The following TRAF3IP1 variants were observed in gnomAD, a reference collection of about 807,000 sequenced individuals.
TRAF3IP1 encodes intraflagellar transport 54.
A neutral mutation model predicts 89.9 loss-of-function variants in TRAF3IP1; 53 were observed. The observed-to-expected ratio is 0.59, with a 90% CI of 0.47 to 0.74. TRAF3IP1 has a LOEUF of 0.74. TRAF3IP1 is among the 30% of genes least tolerant of loss of function. TRAF3IP1 has a pLI of 0.00. For missense variants in TRAF3IP1, 806 were observed against 866.1 expected (o/e 0.93, Z 0.87); for synonymous variants, 311 against 322.1 (o/e 0.97, Z 0.37).
At chr2:238,353,390 C>T (rs1270455183) in intron 14 of TRAF3IP1, among the ~76,000 whole-genome samples, 181 bp downstream of exon 14, 2 of 152,148 alleles carry the variant, frequency 1.3e-5, no homozygotes, top group Non-Finnish European at 2.9e-5. Context: ...ACTCTTAAGG[C>T]GATGGCTGCT....
Position 238,379,107 on chromosome 2 carries a change from G to A in TRAF3IP1, c.1690-18352G>A, listed in dbSNP as rs1574962777. 6.6e-6 allele frequency among the ~76,000 whole-genome samples: 1 copy of A among 152,102 alleles called. No individual in the cohort carries two copies. Among genetic ancestry groups the A allele is most frequent in the Admixed American group, 6.6e-5 (1 of 15,264 alleles). On this transcript the variant is annotated intron_variant, in intron 15 of 16. Transcript: ENST00000373327. The surrounding 1 kb of genome is among the most constrained non-coding windows in gnomAD (Gnocchi z 4.0). The stretch of plus-strand genomic sequence containing the variant: ...AGACTTGTTCTCCTTGTTTCCTGTC[G>A]ACTCACTCTTTGGTCGTCTGTGTGT...
chr2:238,341,213 G>A (rs1698637264), intron 8 of TRAF3IP1, among the ~76,000 whole-genome samples: 1 of 148,484 alleles, frequency 6.7e-6, no homozygotes, highest in Non-Finnish European at 1.5e-5. Flanking sequence ...TGTAGAGAGA[G>A]CATCTCACTT....
Position 238,328,948 on chromosome 2 carries a change from AAGAG to A in TRAF3IP1, c.525_528del (p.Arg176ValfsTer12), listed in dbSNP as rs1697977395. The A allele has an allele frequency of 6.4e-7, 1 of 1,552,310 alleles. No individual in the cohort carries two copies. The highest frequency in any genetic ancestry group is 8.7e-7 in the Non-Finnish European group (1 of 1,151,068). On this transcript the variant is annotated frameshift_variant, in exon 5 of 17. Transcript: ENST00000373327. LOFTEE classifies it high-confidence loss of function. Reference sequence around the variant, plus strand: ...TAGGATAGAGGAGACGCTGAAATAAAAGAGAGAAGTACAAGCAGAGATCGAAAAC... The same window carrying A: ...TAGGATAGAGGAGACGCTGAAATAAAAGAAGTACAAGCAGAGATCGAAAAC...
intron 8 of TRAF3IP1, among the ~76,000 whole-genome samples, chr2:238,340,753 T>C (rs1398993905): frequency 6.6e-6 from 1 of 151,236 alleles, no homozygotes; most frequent in Non-Finnish European, 1.5e-5. Context: ...AGTGCCCATA[T>C]ACCTCTCACC....
Position 238,351,538 on chromosome 2 carries a change from C to T in TRAF3IP1, c.1452-1289C>T, listed in dbSNP as rs1375923501. Among the ~76,000 whole-genome samples, 3 of 152,074 alleles carry T rather than the reference C, an allele frequency of 2.0e-5. No homozygotes were observed. The highest frequency in any genetic ancestry group is 2.4e-5 in the African/African-American group (1 of 41,410). The stretch of plus-strand genomic sequence containing the variant: ...GGCGGGACAGAGAGGGCCTGCCGAT[C>T]ACGGCAGGCACAGGGGCGCAGGTGT... On this transcript the variant is annotated intron_variant, in intron 12 of 16. Coordinates refer to ENST00000373327, the MANE Select transcript of TRAF3IP1 (RefSeq NM_015650.4). This position sits in a 1 kb window ranked among gnomAD's most constrained non-coding sequence, Gnocchi z 5.2.
chr2:238,323,100 A>G (rs1212757566), intron 1 of TRAF3IP1, among the ~76,000 whole-genome samples: 2 of 141,274 alleles, frequency 1.4e-5, no homozygotes, highest in Non-Finnish European at 3.0e-5. Context: ...TTTTTTTTAG[A>G]GGGATTCTTG....
chr2:238,344,444 C>A, intron 8 of TRAF3IP1, 53 bp from the exon 9 acceptor site: 2 of 1,410,958 alleles, frequency 1.4e-6, no homozygotes, highest in Non-Finnish European at 2.0e-6. Context: ...CCGCTGATCA[C>A]CGGCCCTTTG....
intron 15 of TRAF3IP1, among the ~76,000 whole-genome samples, chr2:238,395,051 G>T (rs992651527): frequency 3.3e-5 from 5 of 152,188 alleles, no homozygotes; most frequent in Non-Finnish European, 1.5e-5. Flanking sequence ...GGGTGGGGGG[G>T]TGTCCAGGGA....
chr2:238,350,515 G>T (rs994166507), intron 12 of TRAF3IP1, among the ~76,000 whole-genome samples: 1 of 152,190 alleles, frequency 6.6e-6, no homozygotes, highest in African/African-American at 2.4e-5. Context: ...ACGAGAGTGG[G>T]CTAGTGAAGA....
rs151173010 is a variant in TRAF3IP1, at chr2:238,328,844, G to A, written c.498+15G>A. 7.8e-5 allele frequency: 125 copies of A among 1,602,610 alleles called. No individual in the cohort carries two copies. In the African/African-American group the frequency reaches 1.3e-3, roughly 17 times the overall value. On this transcript the variant is annotated intron_variant, in intron 4 of 16. Coordinates refer to ENST00000373327, the MANE Select transcript of TRAF3IP1 (RefSeq NM_015650.4). The stretch of plus-strand genomic sequence containing the variant: ...AAAATACAGAGGTGAATTCCAAGTC[G>A]CACATCTTTGAAAATGAAATAGTGA...
At chr2:238,322,520 T>C (rs889418526) in intron 1 of TRAF3IP1, among the ~76,000 whole-genome samples, 1 of 151,926 alleles carries the variant, frequency 6.6e-6, no homozygotes, top group African/African-American at 2.4e-5. Flanking sequence ...TAAAACTCCA[T>C]CTCTACTGAA....
rs770131698 is a variant in TRAF3IP1 at position 238,332,844 on chromosome 2, G to A, written c.936G>A (p.Met312Ile). 5.6e-6 allele frequency: 9 copies of A among 1,610,512 alleles called. No homozygotes were observed. The African/African-American group carries it at 1.1e-4, about 19-fold the overall frequency. ...PEKKSASSGE[M>I]SKKLSDGTFK... ...AATAGTCAGCAAGCTCAGGGGAGAT[G>A]TCTAAAAAGTTATCAGATGGAACTT... is the stretch of plus-strand genomic sequence containing the variant. The change falls in exon 6 of 17, where the codon ATG becomes ATA. Residue 312 changes from methionine (M) to isoleucine (I), a missense_variant. Physicochemically the swap from Met to Ile is conservative, Grantham distance 10. Transcript: ENST00000373327.
chr2:238,360,659 AGATCAC>A (rs1699617818), intron 15 of TRAF3IP1, among the ~76,000 whole-genome samples: 1 of 152,122 alleles, frequency 6.6e-6, no homozygotes, highest in African/African-American at 2.4e-5. Flanking sequence ...CGAGGCAGGC[AGATCAC>A]GAGGTCAGGA....
chr2:238,333,736 C>T (rs2106370750), intron 6 of TRAF3IP1, among the ~76,000 whole-genome samples: 1 of 152,254 alleles, frequency 6.6e-6, no homozygotes, highest in Non-Finnish European at 1.5e-5. Flanking sequence ...TAGGGCTGTA[C>T]AGAATGATGG....
At position 238,328,793 on chromosome 2, in the gene TRAF3IP1, G is replaced by A. The variant is rs753477960; in HGVS notation, c.462G>A (p.Val154=). The A allele has an allele frequency of 6.2e-7, 1 of 1,614,096 alleles. No individual in the cohort carries two copies. The highest frequency in any genetic ancestry group is 2.2e-5 in the East Asian group (1 of 44,882). ...SRSQELDNKN[V]REEESRVHKN... ...CTCAGGAATTGGATAATAAGAATGT[G>A]CGAGAAGAAGAGTCCAGAGTTCACA... Residue 154 remains valine, a synonymous_variant, in exon 4 of 17, where the codon GTG becomes GTA. Transcript: ENST00000373327.
intron 15 of TRAF3IP1, among the ~76,000 whole-genome samples, chr2:238,396,492 C>T (rs1345112649): frequency 6.7e-6 from 1 of 150,112 alleles, no homozygotes; most frequent in African/African-American, 2.5e-5. Flanking sequence ...AACAAACCTG[C>T]ACATTGTGTA....
In TRAF3IP1 at chr2:238,351,864, T is replaced by TAC. The variant is rs1699178425; in HGVS notation, c.1452-963_1452-962insAC. Among the ~76,000 whole-genome samples, 1 of 112,240 alleles carries TAC rather than the reference T, an allele frequency of 8.9e-6. No individual in the cohort carries two copies. The highest frequency in any genetic ancestry group is 1.8e-5 in the Non-Finnish European group (1 of 56,734). The allele number at this position is 112,240 out of a possible 152,430, so 73.6% of individuals were successfully genotyped here. On this transcript the variant is annotated intron_variant, in intron 12 of 16. Transcript: ENST00000373327. This position sits in a 1 kb window ranked among gnomAD's most constrained non-coding sequence, Gnocchi z 5.2. ...GTGTGTGTGTGTGTGTGTGTGTGTG[T>TAC]GTGCGCGCGCGCGCGTGTGCGTGCA...
chr2:238,361,817 G>A (rs1191787010), intron 15 of TRAF3IP1, among the ~76,000 whole-genome samples: 2 of 152,124 alleles, frequency 1.3e-5, no homozygotes, highest in Non-Finnish European at 2.9e-5. Context: ...GACCGGAATC[G>A]TATTGATCTT....
chr2:238,340,884 G>C (rs201150685), intron 8 of TRAF3IP1, among the ~76,000 whole-genome samples: 16 of 151,734 alleles, frequency 1.1e-4, no homozygotes, highest in Non-Finnish European at 2.4e-4. Context: ...CAGAGACAGA[G>C]TCTCACTCTG....
Sources: allele counts gnomAD v4.1 joint callset (sites outside exome capture counted in the v4.1 genomes callset), GRCh38; gene constraint gnomAD v4.1.1; non-coding constraint Gnocchi (gnomAD v3.1); transcripts MANE v1.5; gene names NCBI Gene and HGNC (gene_info 2026-07-23, HGNC 2026-07-21).